Variants in ZRANB3 observed in about 807,000 individuals in gnomAD.
ZRANB3 encodes zinc finger RANBP2-type containing 3.
A neutral mutation model predicts 133.8 loss-of-function variants in ZRANB3; 125 were observed. The observed-to-expected ratio is 0.93, with a 90% CI of 0.81 to 1.08. The LOEUF (loss-of-function observed/expected upper bound fraction) is 1.08. Among genes scored for constraint, ZRANB3 ranks in the 50% least tolerant of loss-of-function variants. The pLI, the probability that ZRANB3 is intolerant of heterozygous loss-of-function variation, is 0.00. For synonymous variants in ZRANB3, 387 were observed against 432.7 expected, an observed-to-expected ratio of 0.89 and a Z score of 1.31; for missense variants, 1,229 against 1,275.5, an observed-to-expected ratio of 0.96 and a Z score of 0.56.
At chr2:135,436,373 T>C (rs1294599924) in intron 2 of ZRANB3, among the ~76,000 whole-genome samples, 9 of 152,180 alleles carry the variant, frequency 5.9e-5, no homozygotes, top group Non-Finnish European at 7.3e-5. Flanking sequence ...CGTGTAGCCT[T>C]GCACACCCAA....
intron 12 of ZRANB3, among the ~76,000 whole-genome samples, chr2:135,252,083 GT>G: frequency 6.6e-6 from 1 of 152,154 alleles, no homozygotes; most frequent in South Asian, 2.1e-4. Flanking sequence ...TTTCTTCCCA[GT>G]CTCAGGTATG....
intron 2 of ZRANB3, among the ~76,000 whole-genome samples, chr2:135,443,115 CAA>C (rs544885151): frequency 1.7e-5 from 2 of 116,078 alleles, no homozygotes; most frequent in Admixed American, 9.7e-5. Context: ...GACTCCATCT[CAA>C]AAAAAAAAAG....
intron 2 of ZRANB3, among the ~76,000 whole-genome samples, chr2:135,431,930 G>A (rs922181590): frequency 2.6e-5 from 4 of 152,060 alleles, no homozygotes; most frequent in Non-Finnish European, 4.4e-5. Flanking sequence ...ACTGCATACC[G>A]TGAGCCGAGG....
chr2:135,241,181 T>C (rs898283110), intron 12 of ZRANB3, among the ~76,000 whole-genome samples: 6 of 152,142 alleles, frequency 3.9e-5, no homozygotes, highest in African/African-American at 7.2e-5. Flanking sequence ...CTGGCATTCC[T>C]ATTAGTAGAA....
intron 17 of ZRANB3, among the ~76,000 whole-genome samples, chr2:135,214,983 T>C (rs1694245300): frequency 6.6e-6 from 1 of 152,216 alleles, no homozygotes. Context: ...AGTGGCACGA[T>C]CACAGCTTAT....
chr2:135,522,389 C>T (rs967900260), intron 1 of ZRANB3, among the ~76,000 whole-genome samples: 1 of 152,200 alleles, frequency 6.6e-6, no homozygotes, highest in Non-Finnish European at 1.5e-5. Flanking sequence ...CTTTTAAACT[C>T]TTATTCTGTC....
chr2:135,374,159 C>A (rs1332935210), intron 3 of ZRANB3, among the ~76,000 whole-genome samples: 1 of 152,126 alleles, frequency 6.6e-6, no homozygotes, highest in Non-Finnish European at 1.5e-5. Context: ...GTAATCTCAG[C>A]ACTTTGAAAG....
At chr2:135,411,180 G>A (rs974539365) in intron 2 of ZRANB3, among the ~76,000 whole-genome samples, 1 of 152,054 alleles carries the variant, frequency 6.6e-6, no homozygotes, top group Non-Finnish European at 1.5e-5. Flanking sequence ...TTGAGACTGT[G>A]GTAAGCCCTA....
intron 3 of ZRANB3, among the ~76,000 whole-genome samples, chr2:135,354,684 A>G (rs1456583784): frequency 6.6e-6 from 1 of 152,226 alleles, no homozygotes; most frequent in Non-Finnish European, 1.5e-5. Context: ...CAAAATCTAC[A>G]TACTCTATGA....
chr2:135,220,557 G>C (rs1297636533), intron 15 of ZRANB3, among the ~76,000 whole-genome samples: 1 of 151,584 alleles, frequency 6.6e-6, no homozygotes, highest in African/African-American at 2.4e-5. Context: ...AATTAGCTGG[G>C]CATGGTGGCG....
At chr2:135,431,051 G>A (rs2104981528) in intron 2 of ZRANB3, among the ~76,000 whole-genome samples, 1 of 151,866 alleles carries the variant, frequency 6.6e-6, no homozygotes, top group South Asian at 2.1e-4. Flanking sequence ...GAGGCAGGAG[G>A]ACTGCTGGAG....
At chr2:135,291,101 A>T (rs1364613475) in intron 8 of ZRANB3, among the ~76,000 whole-genome samples, 1 of 152,092 alleles carries the variant, frequency 6.6e-6, no homozygotes, top group African/African-American at 2.4e-5. Flanking sequence ...ACCTCAGGTG[A>T]TCCACCTGTC....
chr2:135,460,000 C>T (rs2105015047), intron 2 of ZRANB3, among the ~76,000 whole-genome samples: 1 of 152,126 alleles, frequency 6.6e-6, no homozygotes, highest in Admixed American at 6.5e-5. Flanking sequence ...TAAGATTTCC[C>T]ATTATACAAA....
chr2:135,299,107 G>A (rs115213048), intron 8 of ZRANB3, among the ~76,000 whole-genome samples: 229 of 152,270 alleles, frequency 1.5e-3, no homozygotes, highest in African/African-American at 5.3e-3. Flanking sequence ...TTACCAGGGA[G>A]GGTAGAGAAG....
At chr2:135,426,864 ATATATATATATATATATAT>A (rs1389886065) in intron 2 of ZRANB3, among the ~76,000 whole-genome samples, 2 of 4,566 alleles carry the variant, frequency 4.4e-4, no homozygotes, top group African/African-American at 2.1e-3. Flanking sequence ...AAAAAAAAAA[ATATATATATATATATATAT>A]ATATATATAT....
chr2:135,406,103 G>A (rs1688011796), intron 2 of ZRANB3, among the ~76,000 whole-genome samples: 2 of 151,778 alleles, frequency 1.3e-5, no homozygotes, highest in Non-Finnish European at 2.9e-5. Context: ...AAAGAGAGAA[G>A]AATCAAATAG....
chr2:135,230,710 T>G lies in ZRANB3; in HGVS notation c.1757A>C (p.His586Pro). Residue 586 changes from histidine (H) to proline (P), a missense_variant, in exon 13 of 21, where the codon CAC becomes CCC. Coordinates refer to ENST00000264159, the MANE Select transcript of ZRANB3 (RefSeq NM_032143.4). ...KRLKLAASED[H>P]CSPSEETPSQ... The stretch of plus-strand genomic sequence containing the variant: ...TGGTGTCTCTTCCGACGGACTGCAG[T>G]GGTCTTCCGAGGCAGCCAATTTCAA... The G allele has an allele frequency of 6.2e-7, 1 of 1,613,102 alleles. No homozygotes were observed. Among genetic ancestry groups the G allele is most frequent in the Non-Finnish European group, 8.5e-7 (1 of 1,179,584 alleles).
chr2:135,368,455 T>C (rs1383533338), intron 3 of ZRANB3, among the ~76,000 whole-genome samples: 1 of 151,994 alleles, frequency 6.6e-6, no homozygotes. Context: ...AAATAGTTCA[T>C]TAAATTCATG....
intron 2 of ZRANB3, among the ~76,000 whole-genome samples, chr2:135,469,244 G>GACAC (rs149939641): frequency 0.017 from 2,491 of 147,836 alleles, 61 homozygotes; most frequent in African/African-American, 0.058. Context: ...CATGCATGCA[G>GACAC]ACACACACAC....
Sources: gnomAD v4.1 joint callset for allele counts (sites outside exome capture counted in the v4.1 genomes callset) on GRCh38, gnomAD v4.1.1 for gene constraint, MANE v1.5 for transcripts, NCBI Gene and HGNC (gene_info 2026-07-23, HGNC 2026-07-21) for gene names.